The following IL1RN variants were observed in gnomAD, a reference collection of about 807,000 sequenced individuals.
IL1RN encodes interleukin 1 receptor antagonist.
Under a neutral mutation model 13.7 loss-of-function variants are expected in IL1RN, and 10 were observed. The ratio of observed to expected loss-of-function variants is 0.73; its 90% CI spans 0.45 to 1.24. IL1RN has a LOEUF of 1.24. IL1RN is among the 50% of genes most tolerant of loss of function. The probability of loss-of-function intolerance (pLI) is 0.00; values close to 1 mark genes in which losing one functional copy is unlikely to be tolerated. For synonymous variants in IL1RN, 102 were observed against 82.7 expected (o/e 1.23, Z -1.27); for missense variants, 213 against 222.1 (o/e 0.96, Z 0.26).
intron 2 of IL1RN, chr2:113,121,658 TGTAGATAACA>T (rs1438348678): frequency 1.1e-6 from 1 of 944,218 alleles, no homozygotes; most frequent in Non-Finnish European, 1.3e-6. Flanking sequence ...AGTAGCTTCT[TGTAGATAACA>T]GTTGGATTAT....
intron 2 of IL1RN, chr2:113,121,325 G>C: frequency 3.1e-6 from 1 of 326,958 alleles, no homozygotes; most frequent in Non-Finnish European, 4.4e-6. Context: ...TTGCACAGCT[G>C]TTATGTGGAC....
Position 113,133,656 on chromosome 2 carries a change from C to T in IL1RN, c.*785C>T, listed in dbSNP as rs1295954920. On this transcript the variant is annotated 3_prime_UTR_variant, in exon 4 of 4. Transcript: ENST00000409930. Reference sequence around the variant, plus strand: ...CTCCACTCCAGATTTTTTACAGCTGCCTGCAGTACTTTACCTCCTATCAGA... The same window carrying T: ...CTCCACTCCAGATTTTTTACAGCTGTCTGCAGTACTTTACCTCCTATCAGA... 1.3e-5 allele frequency: 2 copies of T among 152,754 alleles called. No homozygotes were observed. Among genetic ancestry groups the T allele is most frequent in the African/African-American group, 4.8e-5 (2 of 41,444 alleles). 9.5% of individuals were successfully genotyped at this position (152,754 alleles called of 1,614,324 possible).
At chr2:113,114,142 G>T (rs1686548764), upstream of IL1RN, among the ~76,000 whole-genome samples, 1 of 152,198 alleles carries the variant, frequency 6.6e-6, no homozygotes, top group South Asian at 2.1e-4. Context: ...ACTGGGAATA[G>T]GAAAGTTATG....
At chr2:113,116,782 A>C (rs1686603597), upstream of IL1RN, among the ~76,000 whole-genome samples, 1 of 152,188 alleles carries the variant, frequency 6.6e-6, no homozygotes, top group Non-Finnish European at 1.5e-5. Flanking sequence ...TGAAGGCATT[A>C]CCTGCAGCAA....
upstream of IL1RN, among the ~76,000 whole-genome samples, chr2:113,126,388 A>G (rs571772766): frequency 8.5e-5 from 13 of 152,266 alleles, no homozygotes; most frequent in African/African-American, 2.4e-4. Flanking sequence ...TTTTGTCTAA[A>G]TCTTTCTGAG....
chr2:113,129,536 T>C (rs371803086), intron 1 of IL1RN, 40 bp from the exon 2 acceptor site: 147 of 1,271,732 alleles, frequency 1.2e-4, no homozygotes, highest in Non-Finnish European at 1.2e-5. Flanking sequence ...GCTGGGCACA[T>C]GGTGGCTGTG....
upstream of IL1RN, among the ~76,000 whole-genome samples, chr2:113,113,399 G>A (rs1686534860): frequency 6.6e-6 from 1 of 152,136 alleles, no homozygotes; most frequent in Non-Finnish European, 1.5e-5. Flanking sequence ...TAGACTACTG[G>A]TTGTCAGGAG....
chr2:113,120,232 T>A (rs1686723785), intron 2 of IL1RN: 1 of 859,712 alleles, frequency 1.2e-6, no homozygotes, highest in African/African-American at 1.7e-5. Context: ...AATGGTTTAA[T>A]TAAAAATTAA....
At chr2:113,099,885 C>G in the IL1RN span, among the ~76,000 whole-genome samples, 1 of 144,310 alleles carries the variant, frequency 6.9e-6, no homozygotes, top group Non-Finnish European at 1.6e-5. Context: ...CAGGCACCTG[C>G]CACCACGCCC....
upstream of IL1RN, among the ~76,000 whole-genome samples, chr2:113,109,762 G>GC (rs1553467769): frequency 2.5e-5 from 3 of 118,350 alleles, no homozygotes; most frequent in Admixed American, 1.7e-4. Flanking sequence ...TATTATGACT[G>GC]CAAAAAAAAA....
upstream of IL1RN, among the ~76,000 whole-genome samples, chr2:113,102,713 G>A (rs1686332654): frequency 6.6e-6 from 1 of 152,092 alleles, no homozygotes; most frequent in Admixed American, 6.5e-5. Context: ...TTCTCTCTTT[G>A]GGCAGGCGTG....
upstream of IL1RN, among the ~76,000 whole-genome samples, chr2:113,124,621 T>C (rs1286536151): frequency 6.6e-6 from 1 of 152,160 alleles, no homozygotes; most frequent in Non-Finnish European, 1.5e-5. Flanking sequence ...GGTGTGAGTA[T>C]TTCCCAAGTG....
upstream of IL1RN, among the ~76,000 whole-genome samples, chr2:113,115,175 C>T (rs545458472): frequency 4.6e-5 from 7 of 152,268 alleles, no homozygotes; most frequent in African/African-American, 1.7e-4. Context: ...ATTTTCAAAC[C>T]TCAAATCCCT....
upstream of IL1RN, among the ~76,000 whole-genome samples, chr2:113,125,019 G>A (rs984012870): frequency 1.5e-4 from 23 of 152,166 alleles, no homozygotes; most frequent in African/African-American, 4.8e-4. Context: ...TACTTGAAAC[G>A]CTGTCTGAAG....
intron 3 of IL1RN, 78 bp from the exon 4 acceptor site, chr2:113,132,578 C>T (rs1687210523): frequency 7.5e-7 from 1 of 1,341,568 alleles, no homozygotes; most frequent in East Asian, 2.3e-5. Flanking sequence ...AGGGCCATTT[C>T]ATGGCGTGGA....
At chr2:113,114,620 T>C (rs533255363), upstream of IL1RN, among the ~76,000 whole-genome samples, 35 of 152,266 alleles carry the variant, frequency 2.3e-4, no homozygotes, top group African/African-American at 8.2e-4. Context: ...GTCTCATTTA[T>C]TTATGGTGAT....
chr2:113,132,929 G>C lies in IL1RN; in HGVS notation c.*58G>C. 6.5e-7 allele frequency: 1 copy of C among 1,543,780 alleles called. No individual in the cohort carries two copies. On this transcript the variant is annotated 3_prime_UTR_variant, in exon 4 of 4. Transcript: ENST00000409930. The stretch of plus-strand genomic sequence containing the variant: ...ATGGCAAGGACTGCAGGGACTGCCA[G>C]TCCCCCTGCCCCAGGGCTCCCGGCT...
At chr2:113,102,068 G>A in the IL1RN span, among the ~76,000 whole-genome samples, 4,375 of 152,222 alleles carry the variant, frequency 0.029, 215 homozygotes, top group African/African-American at 0.099. Context: ...TGCCCCGCCC[G>A]AGACTTTTTT....
At chr2:113,124,972 AC>A (rs763782218), upstream of IL1RN, among the ~76,000 whole-genome samples, 5 of 152,176 alleles carry the variant, frequency 3.3e-5, no homozygotes, top group Admixed American at 1.3e-4. Flanking sequence ...GGTCAGAGAA[AC>A]ATTTACCCAG....
Sources: gnomAD v4.1 joint callset for allele counts (sites outside exome capture counted in the v4.1 genomes callset) on GRCh38, gnomAD v4.1.1 for gene constraint, MANE v1.5 for transcripts, NCBI Gene and HGNC (gene_info 2026-07-23, HGNC 2026-07-21) for gene names.